Variants in PARD3 observed in about 807,000 individuals in gnomAD.
The protein encoded by PARD3 is par-3 family cell polarity regulator.
A neutral mutation model predicts 155.4 loss-of-function variants in PARD3; 75 were observed. The ratio of observed to expected loss-of-function variants is 0.48; its 90% CI spans 0.40 to 0.58. PARD3 has a LOEUF of 0.58. Ranked by LOEUF, PARD3 falls within the 20% of genes least tolerant of loss-of-function variation. PARD3 has a pLI of 0.00. For synonymous variants in PARD3, 576 were observed against 610.5 expected (o/e 0.94, Z 0.83); for missense variants, 1,642 against 1,721.7 (o/e 0.95, Z 0.82).
At chr10:34,162,227 T>C (rs945038470) in intron 22 of PARD3, among the ~76,000 whole-genome samples, 9 of 151,974 alleles carry the variant, frequency 5.9e-5, no homozygotes, top group Admixed American at 5.9e-4. Flanking sequence ...GGGGAAGGGG[T>C]GGAGCCACCA....
At chr10:34,597,789 T>C (rs891008274) in intron 2 of PARD3, among the ~76,000 whole-genome samples, 10 of 152,144 alleles carry the variant, frequency 6.6e-5, no homozygotes, top group African/African-American at 2.4e-4. Context: ...CCCTGGCTGA[T>C]TGTCCAGTGA....
intron 5 of PARD3, among the ~76,000 whole-genome samples, chr10:34,418,825 C>A (rs1234541432): frequency 6.6e-6 from 1 of 152,154 alleles, no homozygotes; most frequent in Non-Finnish European, 1.5e-5. Context: ...GACTGGAGTG[C>A]AGTGGCATAA....
At chr10:34,542,382 G>C (rs1270717146) in intron 2 of PARD3, among the ~76,000 whole-genome samples, 2 of 152,122 alleles carry the variant, frequency 1.3e-5, no homozygotes, top group African/African-American at 2.4e-5. Context: ...TGTCATAACT[G>C]GGGTCAATAT....
intron 22 of PARD3, among the ~76,000 whole-genome samples, chr10:34,238,239 G>A (rs1350770450): frequency 6.6e-6 from 1 of 152,144 alleles, no homozygotes; most frequent in African/African-American, 2.4e-5. Flanking sequence ...AATCAAAGCT[G>A]ATGATAACTG....
intron 22 of PARD3, among the ~76,000 whole-genome samples, chr10:34,210,869 G>A (rs953950476): frequency 1.5e-4 from 23 of 152,098 alleles, no homozygotes; most frequent in African/African-American, 5.3e-4. Context: ...GGTGGTAAGG[G>A]GTTGGCTGCA....
chr10:34,764,933 A>G (rs1208297118), intron 1 of PARD3, among the ~76,000 whole-genome samples: 1 of 152,186 alleles, frequency 6.6e-6, no homozygotes, highest in Non-Finnish European at 1.5e-5. Context: ...TCCATAATCT[A>G]TGTACTTCAC....
At chr10:34,237,638 C>A (rs1953319735) in intron 22 of PARD3, among the ~76,000 whole-genome samples, 1 of 152,118 alleles carries the variant, frequency 6.6e-6, no homozygotes, top group Non-Finnish European at 1.5e-5. Context: ...AAACTATGAA[C>A]ATATACAAGT....
intron 15 of PARD3, chr10:34,345,091 G>C: frequency 1.0e-6 from 1 of 983,266 alleles, no homozygotes; most frequent in Non-Finnish European, 1.2e-6. Flanking sequence ...TACTAATAAA[G>C]AATGAAGATC....
intron 5 of PARD3, among the ~76,000 whole-genome samples, chr10:34,410,049 T>C (rs915958917): frequency 6.6e-6 from 1 of 152,196 alleles, no homozygotes; most frequent in Admixed American, 6.5e-5. Context: ...AATGAGCTAA[T>C]TGAAGTACTC....
At chr10:34,749,121 T>C (rs536075698) in intron 1 of PARD3, among the ~76,000 whole-genome samples, 1 of 152,384 alleles carries the variant, frequency 6.6e-6, no homozygotes, top group South Asian at 2.1e-4. Context: ...TCACCCCATA[T>C]ACTTTTGCTT....
chr10:34,811,812 G>A (rs185495376), intron 1 of PARD3, among the ~76,000 whole-genome samples: 2 of 152,238 alleles, frequency 1.3e-5, no homozygotes, highest in East Asian at 1.9e-4. Flanking sequence ...GGAATCACGC[G>A]TGTCAGGTCG....
intron 2 of PARD3, among the ~76,000 whole-genome samples, chr10:34,555,306 C>T (rs1279867549): frequency 6.6e-6 from 1 of 151,938 alleles, no homozygotes; most frequent in Non-Finnish European, 1.5e-5. Context: ...TTTTTTAAGG[C>T]CCTTTGAATG....
At chr10:34,282,620 C>A (rs1192000325) in intron 21 of PARD3, among the ~76,000 whole-genome samples, 2 of 152,122 alleles carry the variant, frequency 1.3e-5, no homozygotes, top group Non-Finnish European at 2.9e-5. Flanking sequence ...AGCTATCTAT[C>A]CCCTGTGGCA....
At chr10:34,279,854 G>A (rs943852580) in intron 21 of PARD3, among the ~76,000 whole-genome samples, 1 of 152,172 alleles carries the variant, frequency 6.6e-6, no homozygotes, top group Non-Finnish European at 1.5e-5. Context: ...GAAAGTTTCA[G>A]ATCATCTGTT....
intron 4 of PARD3, among the ~76,000 whole-genome samples, chr10:34,456,240 G>A (rs1008505499): frequency 3.9e-5 from 6 of 152,274 alleles, no homozygotes; most frequent in African/African-American, 9.6e-5. Context: ...GCCAAAAGAC[G>A]TATTGCAGCA....
intron 22 of PARD3, among the ~76,000 whole-genome samples, chr10:34,151,744 G>T (rs528539792): frequency 4.6e-5 from 7 of 152,298 alleles, no homozygotes; most frequent in African/African-American, 1.7e-4. Flanking sequence ...TTTTCCCATA[G>T]GAGCAATGTT....
At chr10:34,317,483 C>T (rs1958080360) in intron 19 of PARD3, 145 bp from the exon 20 acceptor site, 1 of 826,486 alleles carries the variant, frequency 1.2e-6, no homozygotes. Context: ...TGCTGTTTAA[C>T]TTTGAGTAGA....
chr10:34,285,432 C>T lies in PARD3; in HGVS notation c.3066-1187G>A, dbSNP rs1357878511. ...CTCTACTAAATACCAAAACAATCAG[C>T]CAGGTGTGGTGGTGTGCACCTGTAA... On this transcript the variant is annotated intron_variant, in intron 20 of 24. Coordinates refer to ENST00000374788, the MANE Select transcript of PARD3 (RefSeq NM_001184785.2). Among the ~76,000 whole-genome samples the T allele has an allele frequency of 5.3e-5, 8 of 151,932 alleles. No homozygotes were observed. The East Asian group carries it at 1.6e-3, about 30-fold the overall frequency.
chr10:34,795,361 A>T (rs898216642), intron 1 of PARD3, among the ~76,000 whole-genome samples: 3 of 152,226 alleles, frequency 2.0e-5, no homozygotes, highest in African/African-American at 7.2e-5. Context: ...CTATAATCTC[A>T]GCACTTTGAG....
Sources: allele counts gnomAD v4.1 joint callset (sites outside exome capture counted in the v4.1 genomes callset), GRCh38; gene constraint gnomAD v4.1.1; transcripts MANE v1.5; gene names NCBI Gene and HGNC (gene_info 2026-07-23, HGNC 2026-07-21).